ZNF454: variants seen among roughly 807,000 people sequenced by gnomAD.
ZNF454 encodes zinc finger protein 454.
Under a neutral mutation model 48.2 loss-of-function variants are expected in ZNF454, and 30 were observed. The observed-to-expected ratio is 0.62, with a 90% CI of 0.47 to 0.84. ZNF454 has a LOEUF of 0.84. ZNF454 is among the 40% of genes least tolerant of loss of function. The pLI, the probability that ZNF454 is intolerant of heterozygous loss-of-function variation, is 0.00. For missense variants in ZNF454, 510 were observed against 623.1 expected (o/e 0.82, Z 1.93); for synonymous variants, 204 against 211.4 (o/e 0.97, Z 0.30).
At chr5:178,950,303 C>T (rs1759500651) in intron 4 of ZNF454, among the ~76,000 whole-genome samples, 3 of 152,182 alleles carry the variant, frequency 2.0e-5, no homozygotes, top group Admixed American at 6.5e-5. Context: ...GGATCAGCAC[C>T]GTGCTGAGAG....
chr5:178,952,409 T>C (rs1353757676), intron 4 of ZNF454, among the ~76,000 whole-genome samples: 2 of 152,262 alleles, frequency 1.3e-5, no homozygotes, highest in Non-Finnish European at 2.9e-5. Flanking sequence ...TGCCCGTTTT[T>C]CTATGACAGT....
intron 4 of ZNF454, among the ~76,000 whole-genome samples, chr5:178,960,183 T>C (rs1759949750): frequency 6.6e-6 from 1 of 151,304 alleles, no homozygotes; most frequent in South Asian, 2.1e-4. Context: ...ACTCCTAGAC[T>C]CAAGCGGTCC....
chr5:178,987,948 T>TG, the ZNF454 span, among the ~76,000 whole-genome samples: 6 of 148,892 alleles, frequency 4.0e-5, no homozygotes, highest in Non-Finnish European at 8.9e-5. Flanking sequence ...TTAGTAGAGA[T>TG]GGGGTTTCAC....
chr5:178,989,227 C>T, the ZNF454 span: 1 of 1,223,862 alleles, frequency 8.2e-7, no homozygotes, highest in South Asian at 1.3e-5. Context: ...ACCACCCTCC[C>T]CACCCTCCCC....
the ZNF454 span, among the ~76,000 whole-genome samples, chr5:178,975,361 A>G: frequency 1.3e-5 from 2 of 152,348 alleles, no homozygotes; most frequent in Admixed American, 1.3e-4. Flanking sequence ...GAATGTGACC[A>G]CTACAACTGC....
Position 178,946,629 on chromosome 5 carries a change from C to T in ZNF454, c.160+144C>T. On this transcript the variant is annotated intron_variant, in intron 3 of 4. Transcript: ENST00000519564. The surrounding 1 kb of genome is among the most constrained non-coding windows in gnomAD (Gnocchi z 4.5). ...ATTAATTTTACCTGTCCTTGGTGTC[C>T]TGGGCACAGGCCTCTTTTGGAGTCC... 8.4e-7 allele frequency: 1 copy of T among 1,194,526 alleles called. No individual in the cohort carries two copies. Among genetic ancestry groups the T allele is most frequent in the Non-Finnish European group, 1.2e-6 (1 of 867,524 alleles). The allele number at this position is 1,194,526 out of a possible 1,614,324, so 74.0% of individuals were successfully genotyped here. A position where few individuals can be genotyped will look rare whatever the true frequency, so the allele number is the denominator to read the frequency against.
intron 4 of ZNF454, 118 bp downstream of exon 4, chr5:178,947,104 T>C: frequency 5.1e-6 from 4 of 788,526 alleles, no homozygotes; most frequent in Non-Finnish European, 8.4e-6. Context: ...AGAGCCTGTT[T>C]CACATTCGTT....
chr5:178,973,111 T>C, the ZNF454 span, among the ~76,000 whole-genome samples: 111,059 of 149,046 alleles, frequency 0.75, 41,541 homozygotes, highest in East Asian at 0.89. Flanking sequence ...TCCTTCCTTT[T>C]GCTGTCTCTC....
intron 4 of ZNF454, among the ~76,000 whole-genome samples, chr5:178,949,207 C>T (rs967388181): frequency 7.2e-5 from 11 of 152,026 alleles, no homozygotes; most frequent in African/African-American, 2.2e-4. Context: ...CCTGCCACCT[C>T]GCGCAGCTAA....
At chr5:178,959,159 G>A (rs981988953) in intron 4 of ZNF454, among the ~76,000 whole-genome samples, 4 of 152,118 alleles carry the variant, frequency 2.6e-5, no homozygotes, top group African/African-American at 4.8e-5. Flanking sequence ...CCATATGGAA[G>A]ATTGATTGCT....
At chr5:178,980,479 G>A in the ZNF454 span, 1 of 154,308 alleles carries the variant, frequency 6.5e-6, no homozygotes, top group Non-Finnish European at 1.5e-5. The surrounding 1 kb of genome is among the most constrained non-coding windows in gnomAD (Gnocchi z 4.3). Flanking sequence ...CCCTCACCAC[G>A]GCCATGACTC....
At chr5:178,954,147 A>G (rs141773280) in intron 4 of ZNF454, among the ~76,000 whole-genome samples, 216 of 152,106 alleles carry the variant, frequency 1.4e-3, no homozygotes, top group African/African-American at 5.0e-3. Flanking sequence ...AATCCCAGCT[A>G]CTCGGAAGAC....
intron 4 of ZNF454, among the ~76,000 whole-genome samples, chr5:178,955,339 T>C (rs1429641096): frequency 2.6e-5 from 4 of 152,204 alleles, no homozygotes; most frequent in African/African-American, 9.6e-5. Flanking sequence ...AGTAGGCTTT[T>C]TGTAGACGCT....
chr5:178,950,165 A>G (rs1180983337), intron 4 of ZNF454, among the ~76,000 whole-genome samples: 1 of 152,208 alleles, frequency 6.6e-6, no homozygotes, highest in Non-Finnish European at 1.5e-5. Flanking sequence ...GAGCCACCGT[A>G]CCTGGCTGAC....
chr5:178,942,183 C>T (rs1759121595), intron 1 of ZNF454, among the ~76,000 whole-genome samples: 1 of 152,220 alleles, frequency 6.6e-6, no homozygotes, highest in Non-Finnish European at 1.5e-5. Context: ...GCGAGCCGAT[C>T]ACCTGAGGTC....
At chr5:178,959,630 G>T (rs1460829405) in intron 4 of ZNF454, among the ~76,000 whole-genome samples, 2 of 151,950 alleles carry the variant, frequency 1.3e-5, no homozygotes, top group Non-Finnish European at 2.9e-5. Context: ...TTTTGAGACG[G>T]AGTCTCGCTC....
At chr5:178,986,259 G>A in the ZNF454 span, 1 of 1,614,172 alleles carries the variant, frequency 6.2e-7, no homozygotes, top group South Asian at 1.1e-5. Flanking sequence ...GCAGGGCAGA[G>A]TAGCTGAGGG....
the ZNF454 span, among the ~76,000 whole-genome samples, chr5:178,988,240 G>A: frequency 6.6e-6 from 1 of 152,188 alleles, no homozygotes; most frequent in African/African-American, 2.4e-5. The surrounding 1 kb of genome is among the most constrained non-coding windows in gnomAD (Gnocchi z 6.0). Flanking sequence ...CTTGAACAAT[G>A]AGCTCTATTT....
intron 2 of ZNF454, among the ~76,000 whole-genome samples, chr5:178,943,791 C>A (rs1014346612): frequency 6.6e-6 from 1 of 152,148 alleles, no homozygotes; most frequent in Non-Finnish European, 1.5e-5. Flanking sequence ...TTTGGGAGGC[C>A]AAGGCCAGCG....
Sources: allele counts gnomAD v4.1 joint callset (sites outside exome capture counted in the v4.1 genomes callset), GRCh38; gene constraint gnomAD v4.1.1; non-coding constraint Gnocchi (gnomAD v3.1); transcripts MANE v1.5; gene names NCBI Gene and HGNC (gene_info 2026-07-23, HGNC 2026-07-21).